Variants in FBXO11 observed in about 807,000 individuals in gnomAD.
FBXO11 encodes F-box protein 11.
Under a neutral mutation model 117.0 loss-of-function variants are expected in FBXO11, and 13 were observed. That is an observed-to-expected ratio of 0.11 (90% CI 0.07 to 0.18). The LOEUF is 0.18. Among genes scored for constraint, FBXO11 ranks in the 10% least tolerant of loss-of-function variants. The pLI is 1.00. For missense variants in FBXO11, 767 were observed against 1,164.4 expected, an observed-to-expected ratio of 0.66 and a Z score of 4.97; for synonymous variants, 490 against 380.5, an observed-to-expected ratio of 1.29 and a Z score of -3.35.
intron 1 of FBXO11, among the ~76,000 whole-genome samples, chr2:47,855,240 G>A (rs1334915480): frequency 2.7e-5 from 4 of 149,940 alleles, no homozygotes; most frequent in Admixed American, 6.7e-5. Flanking sequence ...TCACTCTGTC[G>A]CCCAGGATAG....
intron 1 of FBXO11, among the ~76,000 whole-genome samples, chr2:47,868,928 C>T (rs1420558917): frequency 1.3e-5 from 2 of 152,218 alleles, no homozygotes; most frequent in South Asian, 2.1e-4. Flanking sequence ...GCAATGGGCC[C>T]ATGTTCATGG....
At chr2:47,855,392 G>A (rs1674208681) in intron 1 of FBXO11, among the ~76,000 whole-genome samples, 1 of 151,960 alleles carries the variant, frequency 6.6e-6, no homozygotes, top group African/African-American at 2.4e-5. Context: ...CATGTTCCCA[G>A]GCTTGTAGGT....
chr2:47,872,205 G>C (rs1675672030), intron 1 of FBXO11, among the ~76,000 whole-genome samples: 1 of 152,182 alleles, frequency 6.6e-6, no homozygotes, highest in Admixed American at 6.5e-5. Context: ...TTCTGTGTGA[G>C]GTTTTAACTG....
chr2:47,814,027 G>A (rs990190660), intron 16 of FBXO11, 160 bp from the exon 17 acceptor site: 7 of 570,544 alleles, frequency 1.2e-5, no homozygotes, highest in Admixed American at 9.3e-5. Context: ...GTTTAATTTT[G>A]CTTAATCCTG....
intron 21 of FBXO11, 200 bp from the exon 22 acceptor site, chr2:47,808,627 G>T (rs982144989): frequency 1.2e-5 from 6 of 493,628 alleles, no homozygotes; most frequent in African/African-American, 9.7e-5. Context: ...GGAGGGAAGA[G>T]AAATGATTTG....
At chr2:47,885,956 T>G (rs1196737210) in intron 1 of FBXO11, among the ~76,000 whole-genome samples, 1 of 145,482 alleles carries the variant, frequency 6.9e-6, no homozygotes, top group Non-Finnish European at 1.6e-5. Flanking sequence ...ACCCTAACAC[T>G]AGTTGCCTCT....
chr2:47,827,288 A>G (rs1671827376), intron 11 of FBXO11, among the ~76,000 whole-genome samples: 1 of 152,030 alleles, frequency 6.6e-6, no homozygotes, highest in African/African-American at 2.4e-5. Flanking sequence ...AGTTAATGTA[A>G]TTTTGCTTCA....
intron 1 of FBXO11, chr2:47,883,569 G>T: frequency 2.9e-6 from 1 of 346,570 alleles, no homozygotes; most frequent in Non-Finnish European, 5.8e-6. Flanking sequence ...AATTCGTCTG[G>T]ATCGGCAAAC....
intron 18 of FBXO11, 170 bp from the exon 19 acceptor site, chr2:47,810,596 C>A: frequency 4.0e-6 from 2 of 505,760 alleles, no homozygotes; most frequent in Non-Finnish European, 6.9e-6. Flanking sequence ...TATTAAGGAT[C>A]TAACAAAATT....
At chr2:47,882,682 C>T (rs1291056794) in intron 1 of FBXO11, among the ~76,000 whole-genome samples, 1 of 152,094 alleles carries the variant, frequency 6.6e-6, no homozygotes, top group Non-Finnish European at 1.5e-5. Flanking sequence ...ACAGGGTCTC[C>T]CCTCTGTTGC....
At chr2:47,833,097 T>C (rs1672305914) in intron 7 of FBXO11, 27 bp from the exon 8 acceptor site, 2 of 1,484,830 alleles carry the variant, frequency 1.3e-6, no homozygotes, top group Non-Finnish European at 1.9e-6. Context: ...TTAAAGAATA[T>C]TACCTTTATT....
chr2:47,871,832 G>C (rs1675646984), intron 1 of FBXO11, among the ~76,000 whole-genome samples: 1 of 152,116 alleles, frequency 6.6e-6, no homozygotes, highest in Admixed American at 6.5e-5. Context: ...TCCACTTTTT[G>C]ACATGAGCAA....
intron 1 of FBXO11, among the ~76,000 whole-genome samples, chr2:47,902,349 G>C (rs758378467): frequency 6.6e-6 from 1 of 152,170 alleles, no homozygotes; most frequent in East Asian, 1.9e-4. Flanking sequence ...TTCAGCTAAC[G>C]AGTGAACACA....
rs749803856 is a variant in FBXO11 at position 47,808,082 on chromosome 2, G to A, written c.*36C>T. The A allele has an allele frequency of 2.6e-6, 4 of 1,560,552 alleles. No homozygotes were observed. Among genetic ancestry groups the A allele is most frequent in the South Asian group, 1.1e-5 (1 of 87,194 alleles). On this transcript the variant is annotated 3_prime_UTR_variant, in exon 23 of 23. Transcript: ENST00000403359. ...CCAAAAAAGTGTTTTAAGTTATGAT[G>A]TTACAATGGCAGGACTTTTTCTTTA...
chr2:47,897,949 C>T (rs1289269249), intron 1 of FBXO11, among the ~76,000 whole-genome samples: 1 of 152,112 alleles, frequency 6.6e-6, no homozygotes, highest in African/African-American at 2.4e-5. Context: ...ATGAATGACA[C>T]CTCTTCTCTC....
intron 1 of FBXO11, among the ~76,000 whole-genome samples, chr2:47,893,500 T>C (rs534470636): frequency 3.9e-5 from 6 of 152,272 alleles, no homozygotes; most frequent in Non-Finnish European, 7.4e-5. Context: ...AATACAAAAG[T>C]TGATTTCTAC....
chr2:47,813,723 G>A (rs976177396), intron 17 of FBXO11, 68 bp downstream of exon 17: 26 of 1,354,472 alleles, frequency 1.9e-5, no homozygotes, highest in South Asian at 4.8e-5. Flanking sequence ...GTGAGCCACC[G>A]TGCCCGGCCT....
chr2:47,876,965 A>G (rs1402518280), intron 1 of FBXO11, among the ~76,000 whole-genome samples: 1 of 151,604 alleles, frequency 6.6e-6, no homozygotes, highest in Non-Finnish European at 1.5e-5. Context: ...GAATTCCTTA[A>G]TACTATTTTC....
rs563470156 is a variant in FBXO11, at chr2:47,894,666, A to C, written c.232+10823T>G. Among the ~76,000 whole-genome samples the C allele has an allele frequency of 9.2e-5, 14 of 152,362 alleles. No homozygotes were observed. The South Asian group carries it at 2.5e-3, about 27-fold the overall frequency. On this transcript the variant is annotated intron_variant, in intron 1 of 22. Transcript: ENST00000403359. ...GTGAATAAACTTTCTGACTAGTGGG[A>C]AAAAAGTTCCTTAGATTTTTAGACA... is the stretch of plus-strand genomic sequence containing the variant.
Sources: allele counts gnomAD v4.1 joint callset (sites outside exome capture counted in the v4.1 genomes callset), GRCh38; gene constraint gnomAD v4.1.1; transcripts MANE v1.5; gene names NCBI Gene and HGNC (gene_info 2026-07-23, HGNC 2026-07-21).